The following FRY variants were observed in gnomAD, a reference collection of about 807,000 sequenced individuals.
FRY encodes the protein FRY microtubule binding protein.
A neutral mutation model predicts 348.4 loss-of-function variants in FRY; 128 were observed. That is an observed-to-expected ratio of 0.37 (90% CI 0.32 to 0.43). The LOEUF (loss-of-function observed/expected upper bound fraction) is 0.43. Ranked by LOEUF, FRY falls within the 20% of genes least tolerant of loss-of-function variation. FRY has a pLI of 1.00. For missense variants in FRY, 2,736 were observed against 3,695.2 expected (o/e 0.74, Z 6.73); for synonymous variants, 1,370 against 1,374.7 (o/e 1.00, Z 0.08).
intron 3 of FRY, among the ~76,000 whole-genome samples, chr13:32,111,580 ATC>A (rs1877966447): frequency 6.6e-6 from 1 of 152,180 alleles, no homozygotes; most frequent in Non-Finnish European, 1.5e-5. Flanking sequence ...GTGATTGAGA[ATC>A]TGTCAGGAAG....
chr13:32,037,218 G>A (rs1019459236), intron 1 of FRY, among the ~76,000 whole-genome samples: 1 of 152,148 alleles, frequency 6.6e-6, no homozygotes, highest in Non-Finnish European at 1.5e-5. Flanking sequence ...TCACAAAATA[G>A]GATTATAGTA....
In FRY at chr13:32,239,979, C is replaced by A; in HGVS notation, c.6687+98C>A. The A allele has an allele frequency of 9.9e-7, 1 of 1,009,060 alleles. No individual in the cohort carries two copies. Among genetic ancestry groups the A allele is most frequent in the South Asian group, 1.4e-5 (1 of 71,196 alleles). 62.5% of individuals were successfully genotyped at this position (1,009,060 alleles called of 1,614,324 possible). On this transcript the variant is annotated intron_variant, in intron 46 of 60. Coordinates refer to ENST00000542859, the MANE Select transcript of FRY (RefSeq NM_023037.3). This position sits in a 1 kb window ranked among gnomAD's most constrained non-coding sequence, Gnocchi z 4.3. The stretch of plus-strand genomic sequence containing the variant: ...CAAGCAGTCCTCCTGCCTTCGCCTC[C>A]CAGAGTGCTAGGATTACAGGCGTGG...
Position 32,202,506 on chromosome 13 carries a change from C to G in FRY, c.3997C>G (p.Leu1333Val). Residue 1333 changes from leucine to valine, a missense_variant, in exon 31 of 61, where the codon CTC (leucine) becomes GTC (valine). Transcript: ENST00000542859. ...SCELARMYPE[L>V]TLPLFSEVSQ... ...TGAGCTGGCCAGGATGTACCCTGAG[C>G]TCACACTCCCCCTCTTCTCAGGTAC... 1 of 1,613,690 alleles carries G rather than the reference C, an allele frequency of 6.2e-7. No individual in the cohort carries two copies. The highest frequency in any genetic ancestry group is 8.5e-7 in the Non-Finnish European group (1 of 1,179,620).
chr13:32,146,423 G>C (rs926427352), intron 11 of FRY, among the ~76,000 whole-genome samples: 1 of 152,094 alleles, frequency 6.6e-6, no homozygotes, highest in African/African-American at 2.4e-5. Context: ...TGCAACCTCT[G>C]CTTGCTGGGT....
At chr13:32,137,994 A>G (rs983633944) in intron 11 of FRY, among the ~76,000 whole-genome samples, 73 of 152,160 alleles carry the variant, frequency 4.8e-4, no homozygotes, top group African/African-American at 1.7e-3. Flanking sequence ...AGAATCATTC[A>G]TTTTCTTCAA....
intron 56 of FRY, among the ~76,000 whole-genome samples, chr13:32,276,220 C>T (rs924249483): frequency 1.3e-5 from 2 of 152,106 alleles, no homozygotes; most frequent in Admixed American, 6.6e-5. Flanking sequence ...CTTGGTATGT[C>T]TTATCTGCCT....
At chr13:32,040,303 T>G (rs1220580983) in intron 1 of FRY, among the ~76,000 whole-genome samples, 1 of 152,240 alleles carries the variant, frequency 6.6e-6, no homozygotes, top group Non-Finnish European at 1.5e-5. Flanking sequence ...TCTCTGTTTT[T>G]CTGTTATTTT....
At chr13:32,103,333 G>A (rs1204703781) in intron 3 of FRY, among the ~76,000 whole-genome samples, 1 of 152,216 alleles carries the variant, frequency 6.6e-6, no homozygotes, top group Non-Finnish European at 1.5e-5. Context: ...GATGTTTGGG[G>A]TTACCATTTT....
chr13:32,130,186 G>A (rs766999345), intron 7 of FRY, among the ~76,000 whole-genome samples: 3 of 150,144 alleles, frequency 2.0e-5, no homozygotes, highest in Non-Finnish European at 3.0e-5. Context: ...TCAGCCTCAC[G>A]CACACCACCA....
intron 8 of FRY, 25 bp from the exon 9 acceptor site, chr13:32,134,879 C>T (rs758690440): frequency 1.1e-5 from 15 of 1,406,966 alleles, no homozygotes; most frequent in South Asian, 6.9e-5. Context: ...ACTCTCCCTC[C>T]CTATACTCTT....
Position 32,228,592 on chromosome 13 carries a change from T to A in FRY, c.5343T>A (p.Asp1781Glu). 6.2e-7 allele frequency: 1 copy of A among 1,614,084 alleles called. No homozygotes were observed. Among genetic ancestry groups the A allele is most frequent in the Non-Finnish European group, 8.5e-7 (1 of 1,179,970 alleles). The change falls in exon 40 of 61, where the codon GAT (aspartate) becomes GAA (glutamate). Residue 1781 changes from aspartate to glutamate, a missense_variant. By Grantham distance (45) the Asp-to-Glu change is conservative. Transcript: ENST00000542859. ...NLPQMTQEVE[D>E]VDTAAETDEK... ...CACAGATGACCCAGGAGGTAGAAGA[T>A]GTGGACACAGCTGCTGAAACAGATG...
chr13:32,118,399 G>A (rs2138697927), intron 4 of FRY, among the ~76,000 whole-genome samples: 1 of 152,072 alleles, frequency 6.6e-6, no homozygotes, highest in South Asian at 2.1e-4. Flanking sequence ...CATTTTTCTT[G>A]AAAGTCCTAA....
intron 55 of FRY, among the ~76,000 whole-genome samples, chr13:32,273,444 G>C (rs911654783): frequency 2.0e-5 from 3 of 151,956 alleles, no homozygotes; most frequent in Non-Finnish European, 4.4e-5. Context: ...GGATGGTCTC[G>C]ATCTCCTGAC....
intron 2 of FRY, among the ~76,000 whole-genome samples, chr13:32,084,384 C>A (rs1361868579): frequency 6.6e-6 from 1 of 152,178 alleles, no homozygotes; most frequent in African/African-American, 2.4e-5. Context: ...ACTCCCACCA[C>A]ATACCTTTAT....
intron 58 of FRY, chr13:32,287,830 C>T (rs778980115): frequency 7.6e-7 from 1 of 1,312,622 alleles, no homozygotes; most frequent in East Asian, 4.7e-5. Flanking sequence ...TACTTTCTTT[C>T]CTTTCCTTTG....
At chr13:32,057,389 C>G (rs1436886090) in intron 1 of FRY, among the ~76,000 whole-genome samples, 2 of 151,998 alleles carry the variant, frequency 1.3e-5, no homozygotes, top group Non-Finnish European at 2.9e-5. Flanking sequence ...CCAGGCTGGT[C>G]TCAAACTCCT....
intron 14 of FRY, among the ~76,000 whole-genome samples, chr13:32,152,900 A>G (rs1880885869): frequency 6.6e-6 from 1 of 152,170 alleles, no homozygotes; most frequent in African/African-American, 2.4e-5. Context: ...GAGAATTCCC[A>G]CATTTCAATA....
intron 4 of FRY, 136 bp downstream of exon 4, chr13:32,117,609 T>G: frequency 1.2e-6 from 1 of 848,478 alleles, no homozygotes; most frequent in Non-Finnish European, 1.9e-6. Context: ...GCAGGGGCCC[T>G]GTGTCTGTAG....
intron 1 of FRY, among the ~76,000 whole-genome samples, chr13:32,075,078 G>GT (rs11429684): frequency 0.017 from 2,627 of 152,200 alleles, 85 homozygotes; most frequent in African/African-American, 0.061. Flanking sequence ...GTTTTATTTT[G>GT]TTTTTTCAAT....
Sources: gnomAD v4.1 joint callset for allele counts (sites outside exome capture counted in the v4.1 genomes callset) on GRCh38, gnomAD v4.1.1 for gene constraint, Gnocchi (gnomAD v3.1) non-coding constraint, MANE v1.5 for transcripts, NCBI Gene and HGNC (gene_info 2026-07-23, HGNC 2026-07-21) for gene names.